FAHD2B: variants seen among roughly 807,000 people sequenced by gnomAD.
FAHD2B encodes the protein fumarylacetoacetate hydrolase domain containing 2B, also known as oxaloacetate tautomerase FAHD2B, mitochondrial.
A neutral mutation model predicts 33.7 loss-of-function variants in FAHD2B; 26 were observed. The observed-to-expected ratio is 0.77, with a 90% CI of 0.57 to 1.07. The LOEUF (loss-of-function observed/expected upper bound fraction) is 1.07. Among genes scored for constraint, FAHD2B ranks in the 50% least tolerant of loss-of-function variants. FAHD2B has a pLI of 0.00. For missense variants in FAHD2B, 272 were observed against 388.1 expected (o/e 0.70, Z 2.51); for synonymous variants, 108 against 150.9 (o/e 0.72, Z 2.08).
At chr2:97,079,309 A>G (rs994932134), downstream of FAHD2B, among the ~76,000 whole-genome samples, 5 of 152,066 alleles carry the variant, frequency 3.3e-5, no homozygotes, top group African/African-American at 1.2e-4. Context: ...TGCTTGGGTG[A>G]ATGTTATTTA....
rs532290859 is a variant in FAHD2B, at chr2:97,088,777, T to C, written c.462+1332A>G. Among the ~76,000 whole-genome samples, 10 of 152,152 alleles carry C rather than the reference T, an allele frequency of 6.6e-5. No individual in the cohort carries two copies. The South Asian group carries it at 2.1e-3, about 32-fold the overall frequency. On this transcript the variant is annotated intron_variant, in intron 4 of 8. Coordinates refer to ENST00000414820, the MANE Select transcript of FAHD2B (RefSeq NM_001320848.2). ...TCATCTTTGGGGCAACTGGATTTCA[T>C]ATTAAATATCATTCAAGTTAATTTT...
At chr2:97,091,792 G>A in intron 2 of FAHD2B, 71 bp downstream of exon 2, 1 of 1,528,856 alleles carries the variant, frequency 6.5e-7, no homozygotes. Context: ...TAGGGCTATA[G>A]CCCAAGGCCC....
chr2:97,085,803 C>G lies in FAHD2B; in HGVS notation c.581G>C (p.Arg194Pro), dbSNP rs761665462. ...GFTVAHDVSA[R>P]DWLTRRNGKQ... The stretch of plus-strand genomic sequence containing the variant: ...CCCATTGCGTCTTGTTAGCCAGTCA[C>G]GAGCACTCACGTCATGAGCCACAGT... Residue 194 changes from arginine (R) to proline (P), a missense_variant, in exon 6 of 9, where the codon CGT becomes CCT. Arg to Pro is a moderately radical substitution (Grantham distance 103). Transcript: ENST00000414820. The G allele has an allele frequency of 2.5e-6, 4 of 1,613,670 alleles. No individual in the cohort carries two copies. The highest frequency in any genetic ancestry group is 3.3e-5 in the Admixed American group (2 of 59,944).
At chr2:97,085,962 A>G in intron 5 of FAHD2B, 101 bp from the exon 6 acceptor site, 1 of 1,541,610 alleles carries the variant, frequency 6.5e-7, no homozygotes, top group East Asian at 2.3e-5. Flanking sequence ...GTTAGTAGCC[A>G]GAGCCAGCCA....
chr2:97,081,256 C>A (rs1468249116), downstream of FAHD2B: 9 of 1,479,236 alleles, frequency 6.1e-6, no homozygotes, highest in East Asian at 1.9e-4. Flanking sequence ...AAAGGTCAGG[C>A]CTCCCCTACG....
At chr2:97,089,475 T>G (rs1330770971) in intron 4 of FAHD2B, among the ~76,000 whole-genome samples, 3 of 128,816 alleles carry the variant, frequency 2.3e-5, no homozygotes, top group Admixed American at 1.7e-4. Context: ...ACCAAGATTG[T>G]ACCACTGCAC....
chr2:97,084,995 G>A (rs996416327), intron 6 of FAHD2B, among the ~76,000 whole-genome samples: 7 of 151,868 alleles, frequency 4.6e-5, no homozygotes, highest in East Asian at 1.9e-4. Flanking sequence ...TGTATCAGCC[G>A]CTGGCAGGGG....
intron 4 of FAHD2B, chr2:97,089,654 G>T (rs1284841188): frequency 1.3e-5 from 2 of 159,890 alleles, no homozygotes; most frequent in Non-Finnish European, 2.8e-5. Flanking sequence ...AGGTACTCAG[G>T]AATATAAACT....
intron 4 of FAHD2B, among the ~76,000 whole-genome samples, chr2:97,088,165 T>C (rs2032111051): frequency 6.6e-6 from 1 of 152,146 alleles, no homozygotes; most frequent in Non-Finnish European, 1.5e-5. Flanking sequence ...CCATCATTCA[T>C]TTCTGTATCG....
At chr2:97,089,679 A>C (rs894597166) in intron 4 of FAHD2B, 1 of 183,236 alleles carries the variant, frequency 5.5e-6, no homozygotes, top group Non-Finnish European at 1.2e-5. Flanking sequence ...TGTACATCAC[A>C]AAACTCCAAG....
At chr2:97,086,306 C>T in intron 4 of FAHD2B, 108 bp from the exon 5 acceptor site, 5 of 1,471,574 alleles carry the variant, frequency 3.4e-6, no homozygotes, top group Non-Finnish European at 4.6e-6. Context: ...GCTGCCATCC[C>T]ACGTTTGCCA....
At chr2:97,081,297 G>C, downstream of FAHD2B, 1 of 1,490,008 alleles carries the variant, frequency 6.7e-7, no homozygotes, top group Non-Finnish European at 8.9e-7. Context: ...TCCCCTCTTG[G>C]TGGTAGGAAT....
chr2:97,081,002 T>G (rs530248162), downstream of FAHD2B: 1 of 1,170,032 alleles, frequency 8.5e-7, no homozygotes, highest in Non-Finnish European at 1.1e-6. Context: ...GCGCGGTGCC[T>G]CATGCCTGTG....
At chr2:97,086,272 A>G (rs1248381494) in intron 4 of FAHD2B, 74 bp from the exon 5 acceptor site, 97 of 1,571,526 alleles carry the variant, frequency 6.2e-5, no homozygotes, top group South Asian at 1.8e-4. Flanking sequence ...GCTGTACGCC[A>G]TGGATCTCTG....
chr2:97,093,818 A>C (rs1559142067), intron 1 of FAHD2B, among the ~76,000 whole-genome samples: 3 of 152,028 alleles, frequency 2.0e-5, no homozygotes, highest in Non-Finnish European at 4.4e-5. Context: ...TGTTAGTCCC[A>C]TTTTACAGAT....
At position 97,091,451 on chromosome 2, in the gene FAHD2B, CACTT is replaced by C. The variant is rs1386180011; in HGVS notation, c.245+7_245+10del. On this transcript the variant is annotated splice_region_variant and intron_variant, in intron 3 of 8. Transcript: ENST00000414820. ...GCAGCTGCTTCAGGGCGATGCTGCC[CACTT>C]ACTTACCTTCTTGCCACTGAGAGGG... 6.3e-7 allele frequency: 1 copy of C among 1,594,088 alleles called. No individual in the cohort carries two copies. Among genetic ancestry groups the C allele is most frequent in the Non-Finnish European group, 8.5e-7 (1 of 1,170,244 alleles).
intron 6 of FAHD2B, 22 bp from the exon 7 acceptor site, chr2:97,084,299 T>G: frequency 1.2e-6 from 2 of 1,611,454 alleles, no homozygotes; most frequent in Non-Finnish European, 1.7e-6. Context: ...AGATGGAACC[T>G]TGGAGTTATC....
intron 4 of FAHD2B, chr2:97,086,504 A>T (rs2032001044): frequency 2.6e-6 from 1 of 381,718 alleles, no homozygotes; most frequent in Admixed American, 4.0e-5. Context: ...ACAAAGGATA[A>T]ATACGAAGTA....
In FAHD2B at chr2:97,090,226, A is replaced by G. The variant is rs745715552; in HGVS notation, c.345T>C (p.Tyr115=). ...CGTTCTGTTCTTTGCAGTGGTCCAC[A>G]TAATTCATGCCCACACACACCACCT... The part of the protein sequence containing the change: ...PDKVVCVGMN[Y]VDHCKEQNVP... The change falls in exon 4 of 9, where the codon TAT becomes TAC. Residue 115 remains tyrosine (Y), a synonymous_variant. Coordinates refer to ENST00000414820, the MANE Select transcript of FAHD2B (RefSeq NM_001320848.2). 35 of 1,608,484 alleles carry G rather than the reference A, an allele frequency of 2.2e-5. No homozygotes were observed. Among genetic ancestry groups the G allele is most frequent in the Non-Finnish European group, 2.9e-5 (34 of 1,177,600 alleles).
Sources: allele counts gnomAD v4.1 joint callset (sites outside exome capture counted in the v4.1 genomes callset), GRCh38; gene constraint gnomAD v4.1.1; transcripts MANE v1.5; gene names NCBI Gene and HGNC (gene_info 2026-07-23, HGNC 2026-07-21).